Variants in TASP1 observed in about 807,000 individuals in gnomAD.
TASP1 encodes taspase 1.
In TASP1, 16 loss-of-function variants were observed where a neutral mutation model predicts 56.6. That is an observed-to-expected ratio of 0.28 (90% confidence interval 0.19 to 0.43). The LOEUF is 0.43. TASP1 is among the 20% of genes least tolerant of loss of function. The pLI, the probability that TASP1 is intolerant of heterozygous loss-of-function variation, is 1.00. For missense variants in TASP1, 393 were observed against 511.6 expected, an observed-to-expected ratio of 0.77 and a Z score of 2.24; for synonymous variants, 179 against 184.2, an observed-to-expected ratio of 0.97 and a Z score of 0.23.
At chr20:13,318,888 A>T in the TASP1 span, among the ~76,000 whole-genome samples, 1 of 152,234 alleles carries the variant, frequency 6.6e-6, no homozygotes, top group Non-Finnish European at 1.5e-5. Context: ...AGGGATAAAT[A>T]GGCAGAGCAC....
the TASP1 span, among the ~76,000 whole-genome samples, chr20:13,206,154 G>A: frequency 6.6e-6 from 1 of 152,160 alleles, no homozygotes; most frequent in Non-Finnish European, 1.5e-5. Flanking sequence ...GAATCCTGAG[G>A]GGAGCTGGCC....
chr20:13,402,548 G>A (rs930958400), intron 13 of TASP1, among the ~76,000 whole-genome samples: 16 of 152,210 alleles, frequency 1.1e-4, no homozygotes, highest in East Asian at 5.8e-4. Context: ...TGTTTTCTTA[G>A]TATATAGGTT....
intron 11 of TASP1, among the ~76,000 whole-genome samples, chr20:13,450,263 G>C (rs1368695444): frequency 6.6e-6 from 1 of 152,066 alleles, no homozygotes; most frequent in Admixed American, 6.6e-5. Flanking sequence ...GATGTTGAAG[G>C]CTGCTGTTGG....
chr20:13,270,578 T>C, the TASP1 span: 1 of 1,613,932 alleles, frequency 6.2e-7, no homozygotes, highest in Admixed American at 1.7e-5. Context: ...CAAGGGAGCA[T>C]CTGGACCACC....
chr20:13,430,696 G>A (rs938034972), intron 12 of TASP1, among the ~76,000 whole-genome samples: 2 of 152,192 alleles, frequency 1.3e-5, no homozygotes, highest in Admixed American at 1.3e-4. Flanking sequence ...GTCAAGGGCA[G>A]GGAAATTGAG....
intron 13 of TASP1, among the ~76,000 whole-genome samples, chr20:13,390,866 C>T (rs1413998728): frequency 1.3e-5 from 2 of 152,132 alleles, no homozygotes; most frequent in Non-Finnish European, 2.9e-5. Context: ...ATACTTAATT[C>T]ATGTTTATAT....
At chr20:13,381,294 G>A in the TASP1 span, among the ~76,000 whole-genome samples, 1 of 152,174 alleles carries the variant, frequency 6.6e-6, no homozygotes. Flanking sequence ...ATCCCTCACG[G>A]CACAGGTCCT....
chr20:13,212,464 A>G, the TASP1 span, among the ~76,000 whole-genome samples: 17 of 152,172 alleles, frequency 1.1e-4, no homozygotes, highest in African/African-American at 3.9e-4. Flanking sequence ...GTTTTTCAAT[A>G]TTACCATGCC....
the TASP1 span, chr20:13,154,280 G>A: frequency 2.8e-6 from 3 of 1,066,108 alleles, no homozygotes; most frequent in Non-Finnish European, 4.0e-6. Context: ...GAAGCCACCT[G>A]TCACTCTATC....
the TASP1 span, among the ~76,000 whole-genome samples, chr20:13,357,370 T>C: frequency 2.0e-5 from 3 of 152,312 alleles, no homozygotes; most frequent in East Asian, 5.8e-4. Context: ...AATTCCTTTA[T>C]CTTCAGGATC....
At chr20:13,353,205 C>T in the TASP1 span, among the ~76,000 whole-genome samples, 1 of 150,038 alleles carries the variant, frequency 6.7e-6, no homozygotes, top group Non-Finnish European at 1.5e-5. Flanking sequence ...TACTATGCTC[C>T]AGCCTAAGTT....
intron 11 of TASP1, among the ~76,000 whole-genome samples, chr20:13,476,596 G>A (rs1039459724): frequency 1.3e-4 from 19 of 151,916 alleles, no homozygotes; most frequent in African/African-American, 3.9e-4. Context: ...AAGTTTTTTT[G>A]ATAGCAAGGC....
the TASP1 span, among the ~76,000 whole-genome samples, chr20:13,113,932 C>T: frequency 6.6e-6 from 1 of 152,176 alleles, no homozygotes; most frequent in Non-Finnish European, 1.5e-5. Flanking sequence ...CCATGTGCAG[C>T]CTTGAGTAAG....
chr20:13,465,453 T>C (rs1330755134), intron 11 of TASP1, among the ~76,000 whole-genome samples: 1 of 152,082 alleles, frequency 6.6e-6, no homozygotes, highest in African/African-American at 2.4e-5. Flanking sequence ...AACATACTTT[T>C]GGGCATTTAT....
the TASP1 span, among the ~76,000 whole-genome samples, chr20:13,261,283 T>C: frequency 1.3e-5 from 2 of 151,920 alleles, no homozygotes; most frequent in Non-Finnish European, 2.9e-5. Context: ...GGTGTGGTGG[T>C]GGTGGGCACC....
chr20:13,297,688 AGAATGCAGGATCAGCATAATTC>A, the TASP1 span, among the ~76,000 whole-genome samples: 4 of 152,246 alleles, frequency 2.6e-5, no homozygotes, highest in Admixed American at 6.5e-5. Flanking sequence ...TTCCCATGGG[AGAATGCAGGATCAGCATAATTC>A]GATCTTTTGG....
intron 11 of TASP1, among the ~76,000 whole-genome samples, chr20:13,469,284 T>G (rs2044382383): frequency 6.6e-6 from 1 of 152,166 alleles, no homozygotes; most frequent in South Asian, 2.1e-4. Flanking sequence ...CTGTGGTAGA[T>G]ACAATCATCT....
the TASP1 span, among the ~76,000 whole-genome samples, chr20:13,344,699 G>C: frequency 2.0e-5 from 3 of 152,296 alleles, no homozygotes; most frequent in Admixed American, 1.3e-4. Flanking sequence ...CTGAAGCCAA[G>C]TTCCCCGGCA....
the TASP1 span, among the ~76,000 whole-genome samples, chr20:13,206,592 A>G: frequency 6.6e-5 from 10 of 152,194 alleles, no homozygotes; most frequent in African/African-American, 2.4e-4. Context: ...AGGCCTGCAC[A>G]AGGTCATTCA....
Sources: allele counts gnomAD v4.1 joint callset (sites outside exome capture counted in the v4.1 genomes callset), GRCh38; gene constraint gnomAD v4.1.1; transcripts MANE v1.5; gene names NCBI Gene and HGNC (gene_info 2026-07-23, HGNC 2026-07-21).